Variants in PRKAR1B observed in about 807,000 individuals in gnomAD.
PRKAR1B encodes the protein protein kinase cAMP-dependent type I regulatory subunit beta, also known as cAMP-dependent protein kinase type I-beta regulatory subunit.
In PRKAR1B, 22 loss-of-function variants were observed where a neutral mutation model predicts 46.5. The ratio of observed to expected loss-of-function variants is 0.47; its 90% confidence interval spans 0.34 to 0.68. The LOEUF (loss-of-function observed/expected upper bound fraction) is 0.68, where lower values mean the gene tolerates loss of function less well. PRKAR1B is among the 30% of genes least tolerant of loss of function. PRKAR1B has a pLI of 0.01. For synonymous variants in PRKAR1B, 259 were observed against 217.7 expected, an observed-to-expected ratio of 1.19 and a Z score of -1.67; for missense variants, 445 against 535.6, an observed-to-expected ratio of 0.83 and a Z score of 1.67.
intron 1 of PRKAR1B, chr7:726,971 G>T: frequency 7.6e-7 from 1 of 1,308,712 alleles, no homozygotes; most frequent in Non-Finnish European, 9.8e-7. Flanking sequence ...TTGCTGCGCT[G>T]CCTGAGCGAC....
At chr7:551,318 C>T (rs568140173) in intron 10 of PRKAR1B, 71 bp downstream of exon 10, 46 of 1,455,482 alleles carry the variant, frequency 3.2e-5, no homozygotes, top group Middle Eastern at 2.2e-4. Context: ...CTCCTCACCT[C>T]CAGGCCCCTC....
intron 2 of PRKAR1B, among the ~76,000 whole-genome samples, chr7:691,057 G>A (rs1163491875): frequency 1.3e-5 from 2 of 148,342 alleles, no homozygotes; most frequent in African/African-American, 2.5e-5. Flanking sequence ...AGGGTCCCAC[G>A]CCCACCCACA....
chr7:666,282 G>C lies in PRKAR1B; in HGVS notation c.440+10947C>G, dbSNP rs757801124. ...CACATCAGAGAGCTCCGGAACATGC[G>C]GGGCTGCTTCCCTGGGACACACGCT... On this transcript the variant is annotated intron_variant, in intron 4 of 10. Coordinates refer to ENST00000537384, the MANE Select transcript of PRKAR1B (RefSeq NM_001164760.2). This position sits in a 1 kb window ranked among gnomAD's most constrained non-coding sequence, Gnocchi z 4.9. 7.8e-6 allele frequency among the ~76,000 whole-genome samples: 1 copy of C among 127,668 alleles called. No homozygotes were observed. The highest frequency in any genetic ancestry group is 4.6e-5 in the African/African-American group (1 of 21,772). 83.8% of individuals were successfully genotyped at this position (127,668 alleles called of 152,430 possible).
At chr7:727,117 C>T in intron 1 of PRKAR1B, 93 bp downstream of exon 1, 3 of 1,129,230 alleles carry the variant, frequency 2.7e-6, no homozygotes, top group Non-Finnish European at 3.2e-6. Flanking sequence ...GCCCGCGCGC[C>T]GCCCGCCCGA....
At chr7:726,573 G>A (rs1781293152) in intron 1 of PRKAR1B, 3 of 532,148 alleles carry the variant, frequency 5.6e-6, no homozygotes, top group Non-Finnish European at 8.3e-6. Context: ...CAGCGGGCGA[G>A]CACGACAAGA....
At chr7:634,638 T>C (rs1347756405) in intron 4 of PRKAR1B, among the ~76,000 whole-genome samples, 1 of 150,338 alleles carries the variant, frequency 6.7e-6, no homozygotes, top group East Asian at 1.9e-4. Flanking sequence ...TGTCTGCAAC[T>C]TACTGTTTTT....
In PRKAR1B at chr7:667,265, A is replaced by G. The variant is rs1785987478; in HGVS notation, c.440+9964T>C. On this transcript the variant is annotated intron_variant, in intron 4 of 10. Coordinates refer to ENST00000537384, the MANE Select transcript of PRKAR1B (RefSeq NM_001164760.2). The surrounding 1 kb of genome is among the most constrained non-coding windows in gnomAD (Gnocchi z 4.3). ...TGATGGTGGTGATAACAGTACACAC[A>G]TAGATATTCTTGCTTTATATTCTCA... Among the ~76,000 whole-genome samples the G allele has an allele frequency of 6.6e-6, 1 of 152,140 alleles. No homozygotes were observed. Among genetic ancestry groups the G allele is most frequent in the Admixed American group, 6.5e-5 (1 of 15,272 alleles).
At chr7:703,699 C>T (rs1003234750) in intron 2 of PRKAR1B, among the ~76,000 whole-genome samples, 2 of 151,602 alleles carry the variant, frequency 1.3e-5, no homozygotes, top group Admixed American at 6.6e-5. Context: ...AGACCCTAAC[C>T]TGAACAACCC....
Position 727,237 on chromosome 7 carries a change from T to C in PRKAR1B, c.-50A>G, listed in dbSNP as rs902736696. On this transcript the variant is annotated 5_prime_UTR_variant, in exon 1 of 11. Transcript: ENST00000537384. ...GGACGACGCTCTGCGCGCGCTGCGCTGCTCCCTGCTCGACCCCTTCGCCGC... is the reference window on the plus strand; with the variant it reads ...GGACGACGCTCTGCGCGCGCTGCGCCGCTCCCTGCTCGACCCCTTCGCCGC... 3 of 1,358,488 alleles carry C rather than the reference T, an allele frequency of 2.2e-6. No individual in the cohort carries two copies. The Admixed American group carries it at 1.0e-4, about 46-fold the overall frequency. The allele number at this position is 1,358,488 out of a possible 1,614,324, so 84.2% of individuals were successfully genotyped here.
chr7:708,565 C>A (rs1226409938), intron 2 of PRKAR1B, among the ~76,000 whole-genome samples: 1 of 152,238 alleles, frequency 6.6e-6, no homozygotes, highest in African/African-American at 2.4e-5. Context: ...CAGCTCACTG[C>A]AACCTCCGCC....
At chr7:724,398 G>A (rs1048237904) in intron 1 of PRKAR1B, among the ~76,000 whole-genome samples, 3 of 152,248 alleles carry the variant, frequency 2.0e-5, no homozygotes, top group Admixed American at 6.5e-5. Context: ...GAGATCTGAC[G>A]GTTTTATAAG....
At chr7:654,254 A>ATCACCATCCTCATCACCATCT (rs1418849014) in intron 4 of PRKAR1B, among the ~76,000 whole-genome samples, 25 of 148,154 alleles carry the variant, frequency 1.7e-4, no homozygotes, top group Non-Finnish European at 3.4e-4. Context: ...CATCACCATC[A>ATCACCATCCTCATCACCATCT]TCACCATCCT....
intron 9 of PRKAR1B, among the ~76,000 whole-genome samples, chr7:554,819 T>C (rs76463621): frequency 7.8e-4 from 68 of 86,728 alleles, no homozygotes; most frequent in African/African-American, 2.5e-3. Context: ...CCACGGATCC[T>C]GCAGAGCCGG....
chr7:704,695 G>A (rs950964014), intron 2 of PRKAR1B, among the ~76,000 whole-genome samples: 1 of 152,116 alleles, frequency 6.6e-6, no homozygotes, highest in African/African-American at 2.4e-5. Flanking sequence ...CTTGAACCCA[G>A]GAGGGGCGGG....
At chr7:628,298 G>A (rs533716559) in intron 4 of PRKAR1B, among the ~76,000 whole-genome samples, 3 of 152,242 alleles carry the variant, frequency 2.0e-5, no homozygotes, top group Admixed American at 6.5e-5. Context: ...TCTCTGTGCC[G>A]AGCAAGTCAA....
At position 557,953 on chromosome 7, in the gene PRKAR1B, G is replaced by A. The variant is rs149540140; in HGVS notation, c.892-6483C>T. Among the ~76,000 whole-genome samples, 82 of 151,900 alleles carry A rather than the reference G, an allele frequency of 5.4e-4. 1 individual carries two copies. In the East Asian group the frequency reaches 0.014, roughly 26 times the overall value. On this transcript the variant is annotated intron_variant, in intron 9 of 10. Transcript: ENST00000537384. ...CGCCGCAGAACGTCCTGCCCTGGCC[G>A]TTGTCCGCAGCAGGGGAATCACAAA...
rs34907405 is a variant in PRKAR1B at position 555,128 on chromosome 7, C to CA, written c.892-3659dup. ...CCAGAAACTCCTGGAAACATCCCCT[C>CA]ACTCCTCATTGGCCAGAGAGGGTCT... On this transcript the variant is annotated intron_variant, in intron 9 of 10. Coordinates refer to ENST00000537384, the MANE Select transcript of PRKAR1B (RefSeq NM_001164760.2). Among the ~76,000 whole-genome samples, 2,381 of 152,326 alleles carry CA rather than the reference C, an allele frequency of 0.016. 87 individuals are homozygous for CA. In the East Asian group the frequency reaches 0.17, roughly 11 times the overall value.
chr7:567,436 TC>T (rs1779225627), intron 9 of PRKAR1B, among the ~76,000 whole-genome samples: 3 of 137,936 alleles, frequency 2.2e-5, no homozygotes, highest in Admixed American at 7.3e-5. Context: ...ATCACCATCA[TC>T]ATCACCATCA....
chr7:553,460 AT>A (rs1784375631), intron 9 of PRKAR1B, among the ~76,000 whole-genome samples: 1 of 151,966 alleles, frequency 6.6e-6, no homozygotes, highest in Non-Finnish European at 1.5e-5. Context: ...TCACCATCCC[AT>A]TTTACAGCCG....
Sources: gnomAD v4.1 joint callset for allele counts (sites outside exome capture counted in the v4.1 genomes callset) on GRCh38, gnomAD v4.1.1 for gene constraint, Gnocchi (gnomAD v3.1) non-coding constraint, MANE v1.5 for transcripts, NCBI Gene and HGNC (gene_info 2026-07-23, HGNC 2026-07-21) for gene names.